Variants in DMTF1 observed in about 807,000 individuals in gnomAD.
The protein encoded by DMTF1 is cyclin D binding myb like transcription factor 1, also known as cyclin-D-binding Myb-like transcription factor 1.
DMTF1 carries 39 observed loss-of-function variants against 91.1 expected under a neutral mutation model. The ratio of observed to expected loss-of-function variants is 0.43; its 90% confidence interval spans 0.33 to 0.56. DMTF1 has a LOEUF of 0.56. DMTF1 is among the 20% of genes least tolerant of loss of function. The pLI, the probability that DMTF1 is intolerant of heterozygous loss-of-function variation, is 0.05. For synonymous variants in DMTF1, 338 were observed against 309.5 expected, an observed-to-expected ratio of 1.09 and a Z score of -0.97; for missense variants, 750 against 914.5, an observed-to-expected ratio of 0.82 and a Z score of 2.32.
intron 11 of DMTF1, 125 bp downstream of exon 11, chr7:87,184,750 CTGTT>C: frequency 1.2e-6 from 1 of 810,346 alleles, no homozygotes; most frequent in Admixed American, 2.0e-5. Flanking sequence ...TAGAGCACTA[CTGTT>C]TAAGATCTTA....
At chr7:87,158,099 T>C (rs1396900717) in intron 1 of DMTF1, among the ~76,000 whole-genome samples, 1 of 151,716 alleles carries the variant, frequency 6.6e-6, no homozygotes, top group Non-Finnish European at 1.5e-5. Context: ...CCCAGAAGTA[T>C]ATACAAATTT....
At chr7:87,157,364 G>A (rs551672276) in intron 1 of DMTF1, among the ~76,000 whole-genome samples, 1 of 152,256 alleles carries the variant, frequency 6.6e-6, no homozygotes, top group African/African-American at 2.4e-5. Flanking sequence ...GTCAGCAAAT[G>A]TTGGTTCCTG....
chr7:87,160,177 A>G (rs1367771730), intron 1 of DMTF1, among the ~76,000 whole-genome samples: 1 of 152,146 alleles, frequency 6.6e-6, no homozygotes, highest in East Asian at 1.9e-4. Flanking sequence ...ATCAGAATAC[A>G]GATGTATTCT....
At chr7:87,184,278 A>G in intron 10 of DMTF1, 119 bp from the exon 11 acceptor site, 1 of 900,558 alleles carries the variant, frequency 1.1e-6, no homozygotes, top group Non-Finnish European at 1.7e-6. Flanking sequence ...CCAGAGGGTC[A>G]TTCAGAAACA....
chr7:87,169,806 G>A (rs912130680), intron 4 of DMTF1, among the ~76,000 whole-genome samples: 24 of 152,116 alleles, frequency 1.6e-4, no homozygotes, highest in African/African-American at 5.6e-4. Flanking sequence ...TTTCTTCTTA[G>A]TCTCCACTGC....
intron 1 of DMTF1, among the ~76,000 whole-genome samples, chr7:87,158,746 T>C (rs1791445936): frequency 6.6e-6 from 1 of 152,106 alleles, no homozygotes; most frequent in Non-Finnish European, 1.5e-5. Flanking sequence ...TACATTTCAC[T>C]GTATTTCATT....
chr7:87,154,200 G>A (rs1389621529), intron 1 of DMTF1: 3 of 152,188 alleles, frequency 2.0e-5, no homozygotes, highest in Non-Finnish European at 2.9e-5. Flanking sequence ...CCAATTTGGT[G>A]TGAGAATAAT....
In DMTF1 at chr7:87,174,635, A is replaced by G. The variant is rs189245835; in HGVS notation, c.485A>G (p.Asp162Gly). The G allele has an allele frequency of 1.2e-6, 2 of 1,610,854 alleles. No individual in the cohort carries two copies. The highest frequency in any genetic ancestry group is 8.5e-7 in the Non-Finnish European group (1 of 1,177,904). ...KQGMWSKEEIDILMNNIERYL... is the reference protein window; with the variant it reads ...KQGMWSKEEIGILMNNIERYL... Reference sequence around the variant, plus strand: ...GGGATGTGGTCCAAGGAAGAAATTGATATTTTGATGAACAATATTGAACGC... The same window carrying G: ...GGGATGTGGTCCAAGGAAGAAATTGGTATTTTGATGAACAATATTGAACGC... Residue 162 changes from aspartate (D) to glycine (G), a missense_variant, in exon 7 of 18, where the codon GAT becomes GGT. Asp to Gly is a moderately conservative substitution (Grantham distance 94). Around this residue, in one of 3 missense-constraint regions of DMTF1, gnomAD observed 190 missense variants for 343.8 expected, o/e 0.55. Coordinates refer to ENST00000331242, the MANE Select transcript of DMTF1 (RefSeq NM_001142327.2).
chr7:87,173,724 C>CT (rs1227017993), intron 6 of DMTF1, 75 bp downstream of exon 6: 1 of 803,394 alleles, frequency 1.2e-6, no homozygotes, highest in African/African-American at 1.8e-5. Context: ...CATCAGGATT[C>CT]TGAGTTGGAC....
At chr7:87,190,460 T>A (rs1402951903) in intron 13 of DMTF1, among the ~76,000 whole-genome samples, 1 of 152,106 alleles carries the variant, frequency 6.6e-6, no homozygotes, top group Non-Finnish European at 1.5e-5. Context: ...TTTACCAAGT[T>A]CCTGTCTTTT....
At chr7:87,175,928 G>A (rs1796162002) in intron 7 of DMTF1, among the ~76,000 whole-genome samples, 1 of 152,168 alleles carries the variant, frequency 6.6e-6, no homozygotes, top group African/African-American at 2.4e-5. Flanking sequence ...GAAATTGGTG[G>A]GGTAAATCTG....
intron 7 of DMTF1, among the ~76,000 whole-genome samples, chr7:87,174,922 C>T (rs1377931599): frequency 1.3e-5 from 2 of 152,030 alleles, no homozygotes; most frequent in Admixed American, 6.5e-5. Context: ...TTAGTAGCCT[C>T]TCAACATTTT....
intron 1 of DMTF1, among the ~76,000 whole-genome samples, chr7:87,161,848 C>A (rs962283938): frequency 5.3e-5 from 8 of 152,130 alleles, no homozygotes; most frequent in Admixed American, 2.0e-4. Context: ...ACCAAGAGTA[C>A]AGTTTGCATC....
chr7:87,188,298 G>A lies in DMTF1; in HGVS notation c.1408G>A (p.Val470Ile), dbSNP rs781676754. ...ALQIPVQITHVSSADSPATVD... is the reference protein window; with the variant it reads ...ALQIPVQITHISSADSPATVD... ...GCAGATTCCAGTCCAGATCACCCATGTTTGTAAGTGTTTGATCTTCAAGAT... is the reference window on the plus strand; with the variant it reads ...GCAGATTCCAGTCCAGATCACCCATATTTGTAAGTGTTTGATCTTCAAGAT... Residue 470 changes from valine (V) to isoleucine (I), a missense_variant, in exon 13 of 18, where the codon GTT (valine) becomes ATT (isoleucine). By Grantham distance (29) the Val-to-Ile change is conservative. Coordinates refer to ENST00000331242, the MANE Select transcript of DMTF1 (RefSeq NM_001142327.2). 6.2e-7 allele frequency: 1 copy of A among 1,613,682 alleles called. No individual in the cohort carries two copies. The highest frequency in any genetic ancestry group is 8.5e-7 in the Non-Finnish European group (1 of 1,179,728).
At chr7:87,174,721 A>G (rs1452543929) in intron 7 of DMTF1, 52 bp downstream of exon 7, 2 of 1,267,230 alleles carry the variant, frequency 1.6e-6, no homozygotes. Context: ...TGCCAATTGC[A>G]AAAATATCAA....
chr7:87,171,201 CCA>C lies in DMTF1; in HGVS notation c.327+114_327+115del, dbSNP rs1794995125. The C allele has an allele frequency of 4.5e-6, 3 of 668,370 alleles. No homozygotes were observed. The South Asian group carries it at 6.2e-5, about 14-fold the overall frequency. The allele number at this position is 668,370 out of a possible 1,614,324, so 41.4% of individuals were successfully genotyped here. On this transcript the variant is annotated intron_variant, in intron 5 of 17. Transcript: ENST00000331242. ...AAGTAGCGAGGACTACTGGCACATG[CCA>C]CTGTGCCCAGGTTTAGCCCTTATTA...
intron 1 of DMTF1, among the ~76,000 whole-genome samples, chr7:87,153,243 G>A (rs1789754283): frequency 6.6e-6 from 1 of 152,148 alleles, no homozygotes; most frequent in African/African-American, 2.4e-5. Context: ...TCTCTTTAAA[G>A]AAGGGATGTG....
chr7:87,162,062 G>A (rs1272712796), intron 1 of DMTF1, among the ~76,000 whole-genome samples: 1 of 152,170 alleles, frequency 6.6e-6, no homozygotes, highest in Non-Finnish European at 1.5e-5. Context: ...ACGGATAACT[G>A]TTAAATAATG....
chr7:87,156,114 A>G lies in DMTF1; in HGVS notation c.-132+3559A>G, dbSNP rs1790643361. Among the ~76,000 whole-genome samples, 4 of 152,206 alleles carry G rather than the reference A, an allele frequency of 2.6e-5. 1 individual carries two copies. In the South Asian group the frequency reaches 8.3e-4, roughly 31 times the overall value. On this transcript the variant is annotated intron_variant, in intron 1 of 17. Coordinates refer to ENST00000331242, the MANE Select transcript of DMTF1 (RefSeq NM_001142327.2). ...AAGAGCCTCTGATGGTGCCTTGTAG[A>G]AAAGTACTCAGTTTTGAAAGGATGA...
Sources: allele counts gnomAD v4.1 joint callset (sites outside exome capture counted in the v4.1 genomes callset), GRCh38; gene constraint gnomAD v4.1.1; regional missense constraint gnomAD v4.1.1; transcripts MANE v1.5; gene names NCBI Gene and HGNC (gene_info 2026-07-23, HGNC 2026-07-21).